The following INSR variants were observed in gnomAD, a reference collection of about 807,000 sequenced individuals.
The protein encoded by INSR is insulin receptor, also known as IR.
In INSR, 67 loss-of-function variants were observed where a neutral mutation model predicts 142.6. The observed-to-expected ratio is 0.47, with a 90% CI of 0.39 to 0.58. INSR has a LOEUF of 0.58. Among genes scored for constraint, INSR ranks in the 20% least tolerant of loss-of-function variants. The pLI, the probability that INSR is intolerant of heterozygous loss-of-function variation, is 0.00. For missense variants in INSR, 1,248 were observed against 1,833.2 expected (o/e 0.68, Z 5.83); for synonymous variants, 756 against 743.1 (o/e 1.02, Z -0.28).
intron 2 of INSR, among the ~76,000 whole-genome samples, chr19:7,221,682 T>G (rs989594652): frequency 6.6e-6 from 1 of 151,392 alleles, no homozygotes; most frequent in African/African-American, 2.4e-5. Flanking sequence ...CACTCCAGCC[T>G]GGGCTACAGA....
chr19:7,119,648 G>A lies in INSR; in HGVS notation c.3660-65C>T, dbSNP rs556367406. ...TAGACACACACACACACGCGCGCGC[G>A]CAAACACACACACGCAAACGCACAC... On this transcript the variant is annotated intron_variant, in intron 20 of 21. Coordinates refer to ENST00000302850, the MANE Select transcript of INSR (RefSeq NM_000208.4). The surrounding 1 kb of genome is among the most constrained non-coding windows in gnomAD (Gnocchi z 5.2). 292 of 1,550,792 alleles carry A rather than the reference G, an allele frequency of 1.9e-4. 2 individuals are homozygous for A. In the East Asian group the frequency reaches 4.6e-3, roughly 24 times the overall value.
At position 7,267,568 on chromosome 19, in the gene INSR, A is replaced by G. The variant is rs780734610; in HGVS notation, c.429T>C (p.Ser143=). The change falls in exon 2 of 22, where the codon TCT becomes TCC. Residue 143 remains serine (S), a synonymous_variant. Transcript: ENST00000302850. This position sits in a 1 kb window ranked among gnomAD's most constrained non-coding sequence, Gnocchi z 6.3. ...GCTCATTGTTCTTCTCGATGCGGAC[A>G]GAACCCCGGGTGATGTTCATCAGGT... ...LYNLMNITRG[S]VRIEKNNELC... is the part of the protein sequence containing the mutation. 1.2e-6 allele frequency: 2 copies of G among 1,614,052 alleles called. No homozygotes were observed. The highest frequency in any genetic ancestry group is 2.2e-5 in the East Asian group (1 of 44,894).
intron 2 of INSR, among the ~76,000 whole-genome samples, chr19:7,231,784 T>TC (rs1180412287): frequency 6.6e-6 from 1 of 151,554 alleles, no homozygotes; most frequent in African/African-American, 2.4e-5. Context: ...TCTTTTTTTT[T>TC]TTTTAATTAT....
chr19:7,169,576 CAAAAAAAAAAAAA>C (rs74174872), intron 6 of INSR, among the ~76,000 whole-genome samples: 3 of 94,806 alleles, frequency 3.2e-5, no homozygotes, highest in African/African-American at 7.3e-5. Context: ...GACTCTGTCC[CAAAAAAAAAAAAA>C]AAAAAAAAAG....
At position 7,225,495 on chromosome 19, in the gene INSR, C is replaced by T. The variant is rs1483176313; in HGVS notation, c.653-40858G>A. ...AGAGGGGCTTCCAAGAGGGAAGGAC[C>T]TTTCTGTTTTCTTCCCTGTGGCTAT... On this transcript the variant is annotated intron_variant, in intron 2 of 21. Coordinates refer to ENST00000302850, the MANE Select transcript of INSR (RefSeq NM_000208.4). The surrounding 1 kb of genome is among the most constrained non-coding windows in gnomAD (Gnocchi z 4.7). Among the ~76,000 whole-genome samples the T allele has an allele frequency of 6.6e-6, 1 of 152,104 alleles. No homozygotes were observed. Among genetic ancestry groups the T allele is most frequent in the Admixed American group, 6.6e-5 (1 of 15,252 alleles).
chr19:7,177,702 A>ATTTTTTTT (rs71177166), intron 3 of INSR, among the ~76,000 whole-genome samples: 341 of 89,698 alleles, frequency 3.8e-3, no homozygotes, highest in East Asian at 6.7e-3. Flanking sequence ...CTAATTTTGT[A>ATTTTTTTT]TTTTTTTTTT....
At chr19:7,281,900 AC>A (rs889000162) in intron 1 of INSR, among the ~76,000 whole-genome samples, 1 of 152,046 alleles carries the variant, frequency 6.6e-6, no homozygotes, top group Non-Finnish European at 1.5e-5. Flanking sequence ...TTTTATATAA[AC>A]CTGATGAGAT....
At chr19:7,229,043 GTGGATGTATGGA>G (rs1167936783) in intron 2 of INSR, among the ~76,000 whole-genome samples, 2 of 148,178 alleles carry the variant, frequency 1.3e-5, no homozygotes, top group Non-Finnish European at 3.0e-5. Flanking sequence ...GAATGGATGA[GTGGATGTATGGA>G]TGGATGAATG....
chr19:7,202,856 A>G (rs960579884), intron 2 of INSR, among the ~76,000 whole-genome samples: 7 of 151,990 alleles, frequency 4.6e-5, no homozygotes, highest in Non-Finnish European at 8.8e-5. Flanking sequence ...TTAATTATCA[A>G]GTGGTAGGAG....
At chr19:7,291,087 A>G (rs2145258242) in intron 1 of INSR, among the ~76,000 whole-genome samples, 1 of 151,874 alleles carries the variant, frequency 6.6e-6, no homozygotes, top group South Asian at 2.1e-4. Context: ...AAAAAGCCAT[A>G]TTGGTTGACA....
intron 3 of INSR, among the ~76,000 whole-genome samples, chr19:7,174,992 G>A (rs1335948840): frequency 1.3e-5 from 2 of 151,908 alleles, no homozygotes; most frequent in Admixed American, 6.6e-5. Context: ...ATAGGTGCCC[G>A]CCACCGTGCC....
intron 2 of INSR, among the ~76,000 whole-genome samples, chr19:7,232,754 G>A (rs1313334875): frequency 1.3e-5 from 2 of 151,496 alleles, no homozygotes; most frequent in Admixed American, 6.6e-5. Flanking sequence ...AGCTTGCAGT[G>A]AGCCGAGATC....
At chr19:7,146,236 CTTT>C (rs35961932) in intron 11 of INSR, among the ~76,000 whole-genome samples, 4 of 110,752 alleles carry the variant, frequency 3.6e-5, no homozygotes, top group Non-Finnish European at 7.5e-5. Flanking sequence ...TTGTCAAGTT[CTTT>C]TTTTTTTTTT....
At chr19:7,226,332 C>T (rs1188205776) in intron 2 of INSR, among the ~76,000 whole-genome samples, 1 of 143,368 alleles carries the variant, frequency 7.0e-6, no homozygotes, top group Non-Finnish European at 1.5e-5. Context: ...ATGGTTTGAA[C>T]CTAGGAGGTG....
rs766281845 is a variant in INSR at position 7,122,631 on chromosome 19, A to G, written c.3512T>C (p.Phe1171Ser). 6.2e-7 allele frequency: 1 copy of G among 1,614,172 alleles called. No individual in the cohort carries two copies. Among genetic ancestry groups the G allele is most frequent in the Admixed American group, 1.7e-5 (1 of 60,022 alleles). The change falls in exon 19 of 22, where the codon TTT becomes TCT. Residue 1171 changes from phenylalanine (F) to serine (S), a missense_variant. By Grantham distance (155) the Phe-to-Ser change is radical (BLOSUM62 -2). Transcript: ENST00000302850. ...AARNCMVAHDFTVKIGDFGMT... is the reference protein window; with the variant it reads ...AARNCMVAHDSTVKIGDFGMT... ...AGACGAACCTCCAATTTTGACAGTA[A>G]AATCATGGGCGACCATGCAGTTTCT...
intron 13 of INSR, among the ~76,000 whole-genome samples, chr19:7,136,849 T>TATATATATATATA (rs1568437888): frequency 7.9e-6 from 1 of 126,046 alleles, no homozygotes; most frequent in Non-Finnish European, 1.6e-5. Context: ...ATATATATAT[T>TATATATATATATA]GAGATGGTGT....
Position 7,233,739 on chromosome 19 carries a change from G to C in INSR, c.652+33606C>G, listed in dbSNP as rs906332391. On this transcript the variant is annotated intron_variant, in intron 2 of 21. Transcript: ENST00000302850. ...TGCCCAGGCTGGAGTGCAGTGGCAC[G>C]ATCTCCGCTCACTGCAAGCTCCGCC... Among the ~76,000 whole-genome samples the C allele has an allele frequency of 2.4e-5, 3 of 124,846 alleles. No homozygotes were observed. In the Admixed American group the frequency reaches 3.1e-4, roughly 13 times the overall value. The allele number at this position is 124,846 out of a possible 152,430, so 81.9% of individuals were successfully genotyped here.
chr19:7,123,538 T>C (rs1972546639), intron 17 of INSR, among the ~76,000 whole-genome samples: 1 of 152,110 alleles, frequency 6.6e-6, no homozygotes, highest in Non-Finnish European at 1.5e-5. Context: ...GCTCCTCATG[T>C]CCTCTAAGTC....
At chr19:7,285,791 G>A (rs1600132901) in intron 1 of INSR, among the ~76,000 whole-genome samples, 1 of 152,058 alleles carries the variant, frequency 6.6e-6, no homozygotes, top group Admixed American at 6.6e-5. Context: ...CTATAGGGAT[G>A]GAGAACAGAT....
Sources: gnomAD v4.1 joint callset for allele counts (sites outside exome capture counted in the v4.1 genomes callset) on GRCh38, gnomAD v4.1.1 for gene constraint, Gnocchi (gnomAD v3.1) non-coding constraint, MANE v1.5 for transcripts, NCBI Gene and HGNC (gene_info 2026-07-23, HGNC 2026-07-21) for gene names.